Variants in FAM171A1 observed in about 807,000 individuals in gnomAD.
The protein encoded by FAM171A1 is protein FAM171A1.
Under a neutral mutation model 74.9 loss-of-function variants are expected in FAM171A1, and 23 were observed. That is an observed-to-expected ratio of 0.31 (90% confidence interval 0.22 to 0.44). The LOEUF (loss-of-function observed/expected upper bound fraction) is 0.44. Among genes scored for constraint, FAM171A1 ranks in the 20% least tolerant of loss-of-function variants. The pLI, the probability that FAM171A1 is intolerant of heterozygous loss-of-function variation, is 1.00. For missense variants in FAM171A1, 1,162 were observed against 1,159.2 expected (o/e 1.00, Z -0.03); for synonymous variants, 527 against 505.7 (o/e 1.04, Z -0.57).
intron 1 of FAM171A1, among the ~76,000 whole-genome samples, chr10:15,359,452 C>T (rs1468884827): frequency 1.3e-5 from 2 of 152,108 alleles, no homozygotes; most frequent in Non-Finnish European, 2.9e-5. Context: ...AGTCTTTTTC[C>T]TCCTTCTCAA....
At chr10:15,322,740 T>C (rs73589281) in intron 1 of FAM171A1, among the ~76,000 whole-genome samples, 1,960 of 152,332 alleles carry the variant, frequency 0.013, 42 homozygotes, top group African/African-American at 0.044. Context: ...GTCTGGTCCT[T>C]AGCCCTGATG....
chr10:15,330,995 T>A (rs1835623820), intron 1 of FAM171A1, among the ~76,000 whole-genome samples: 1 of 152,068 alleles, frequency 6.6e-6, no homozygotes, highest in Admixed American at 6.6e-5. Context: ...GTTCAAGCAA[T>A]TCTCCTGCCT....
chr10:15,255,761 C>A (rs1030692566), intron 3 of FAM171A1, among the ~76,000 whole-genome samples: 3 of 151,874 alleles, frequency 2.0e-5, no homozygotes, highest in Non-Finnish European at 4.4e-5. Context: ...GATTCCCCTG[C>A]CTCAGTCTCC....
Position 15,224,697 on chromosome 10 carries a change from G to C in FAM171A1, c.755-3637C>G, listed in dbSNP as rs112794594. On this transcript the variant is annotated intron_variant, in intron 5 of 7. Coordinates refer to ENST00000378116, the MANE Select transcript of FAM171A1 (RefSeq NM_001010924.2). ...AGTTTTCTCTCTTGCCTGCCACCAT[G>C]TAAGATGTGCCTTTTGCCTTCTGCC... is the stretch of plus-strand genomic sequence containing the variant. Among the ~76,000 whole-genome samples, 282 of 152,314 alleles carry C rather than the reference G, an allele frequency of 1.9e-3. 2 individuals are homozygous for C. Among genetic ancestry groups the C allele is most frequent in the Middle Eastern group, 3.4e-3 (1 of 294 alleles).
In FAM171A1 at chr10:15,272,484, G is replaced by C. The variant is rs529625136; in HGVS notation, c.418+3371C>G. ...CACTGTCAACATTAGACAGATCAAC[G>C]AGACAGAAAGTTAAAAAGGATATCC... On this transcript the variant is annotated intron_variant, in intron 3 of 7. Coordinates refer to ENST00000378116, the MANE Select transcript of FAM171A1 (RefSeq NM_001010924.2). Among the ~76,000 whole-genome samples, 78 of 152,190 alleles carry C rather than the reference G, an allele frequency of 5.1e-4. 1 individual carries two copies. The South Asian group carries it at 0.016, about 31-fold the overall frequency.
rs1833912071 is a variant in FAM171A1, at chr10:15,213,040, G to T, written c.2548C>A (p.Pro850Thr). 6.2e-7 allele frequency: 1 copy of T among 1,613,724 alleles called. No individual in the cohort carries two copies. Among genetic ancestry groups the T allele is most frequent in the Non-Finnish European group, 8.5e-7 (1 of 1,179,996 alleles). ...TCGTGGGCAGATCTTCTCTGGTGGG[G>T]GCTGGCTGCTGGCTCCGAGGGGGCA... ...ADAPSEPAASPHQRRSAHEEE... is the reference protein window; with the variant it reads ...ADAPSEPAASTHQRRSAHEEE... The change falls in exon 8 of 8, where the codon CCC (proline) becomes ACC (threonine). Residue 850 changes from proline (P) to threonine (T), a missense_variant. By Grantham distance (38) the Pro-to-Thr change is conservative. Transcript: ENST00000378116. This position sits in a 1 kb window ranked among gnomAD's most constrained non-coding sequence, Gnocchi z 6.8.
chr10:15,213,673 A>C lies in FAM171A1; in HGVS notation c.1915T>G (p.Ser639Ala). The C allele has an allele frequency of 6.2e-7, 1 of 1,613,530 alleles. No homozygotes were observed. The highest frequency in any genetic ancestry group is 1.1e-5 in the South Asian group (1 of 91,002). ...TGCTGCTGAGAGATGGCCTGGGAAG[A>C]CAGGGGCTGGGGCTGGATCTGTGAG... ...PSSQIQPQPL[S>A]SQAISQQHLQ... The change falls in exon 8 of 8, where the codon TCT (serine) becomes GCT (alanine). Residue 639 changes from serine to alanine, a missense_variant. Transcript: ENST00000378116. This position sits in a 1 kb window ranked among gnomAD's most constrained non-coding sequence, Gnocchi z 6.8.
intron 3 of FAM171A1, among the ~76,000 whole-genome samples, chr10:15,264,355 A>C (rs944433195): frequency 6.6e-6 from 1 of 152,136 alleles, no homozygotes; most frequent in Non-Finnish European, 1.5e-5. Context: ...AAACGCAACA[A>C]AACTGGCCGG....
chr10:15,367,177 C>T (rs1322771018), intron 1 of FAM171A1, among the ~76,000 whole-genome samples: 7 of 151,650 alleles, frequency 4.6e-5, no homozygotes, highest in Non-Finnish European at 7.4e-5. Flanking sequence ...CCAGCCTGGG[C>T]GACAGAGCGA....
chr10:15,351,142 C>CAAGG (rs1835871951), intron 1 of FAM171A1, among the ~76,000 whole-genome samples: 1 of 152,198 alleles, frequency 6.6e-6, no homozygotes, highest in African/African-American at 2.4e-5. Flanking sequence ...CCCTGAAAAG[C>CAAGG]AAGGACTGAG....
chr10:15,278,229 T>G (rs77705865), intron 2 of FAM171A1, among the ~76,000 whole-genome samples: 3,605 of 152,306 alleles, frequency 0.024, 56 homozygotes, highest in Non-Finnish European at 0.036. Flanking sequence ...CTTCAAGAGT[T>G]ATGCATTGCA....
At position 15,357,426 on chromosome 10, in the gene FAM171A1, A is replaced by T. The variant is rs552948961; in HGVS notation, c.97+13530T>A. ...TAAAAAAGACAGAAAACTAATCTGT[A>T]GTAGAAAATAATCAGAACAGTGGTT... On this transcript the variant is annotated intron_variant, in intron 1 of 7. Coordinates refer to ENST00000378116, the MANE Select transcript of FAM171A1 (RefSeq NM_001010924.2). Among the ~76,000 whole-genome samples, 3 of 152,362 alleles carry T rather than the reference A, an allele frequency of 2.0e-5. No homozygotes were observed. In the East Asian group the frequency reaches 5.8e-4, roughly 29 times the overall value.
chr10:15,224,115 CTGGGGTGGG>C (rs974650232), intron 5 of FAM171A1, among the ~76,000 whole-genome samples: 1 of 152,072 alleles, frequency 6.6e-6, no homozygotes, highest in African/African-American at 2.4e-5. Flanking sequence ...AAACACCCAC[CTGGGGTGGG>C]TGTAGAAGGA....
At position 15,214,108 on chromosome 10, in the gene FAM171A1, A is replaced by G; in HGVS notation, c.1480T>C (p.Ser494Pro). ...DYRGSYNTVLSQPLFEKQDRE... is the reference protein window; with the variant it reads ...DYRGSYNTVLPQPLFEKQDRE... ...TCCTGCTTTTCAAATAAAGGCTGTG[A>G]GAGCACGGTGTTGTAACTACCCCTG... Residue 494 changes from serine (S) to proline (P), a missense_variant, in exon 8 of 8, where the codon TCA becomes CCA. Coordinates refer to ENST00000378116, the MANE Select transcript of FAM171A1 (RefSeq NM_001010924.2). The G allele has an allele frequency of 1.2e-6, 2 of 1,614,182 alleles. No homozygotes were observed. Among genetic ancestry groups the G allele is most frequent in the Non-Finnish European group, 1.7e-6 (2 of 1,180,028 alleles).
At chr10:15,355,908 T>C (rs1222329302) in intron 1 of FAM171A1, among the ~76,000 whole-genome samples, 1 of 152,046 alleles carries the variant, frequency 6.6e-6, no homozygotes, top group African/African-American at 2.4e-5. Flanking sequence ...CATGCATCCA[T>C]ATATAAATAC....
At chr10:15,304,389 T>G (rs550556794) in intron 1 of FAM171A1, among the ~76,000 whole-genome samples, 1 of 152,106 alleles carries the variant, frequency 6.6e-6, no homozygotes, top group South Asian at 2.1e-4. Flanking sequence ...CAGAGCCCAC[T>G]CCCCAGCCAC....
chr10:15,326,372 T>C (rs746673138), intron 1 of FAM171A1, among the ~76,000 whole-genome samples: 13 of 152,106 alleles, frequency 8.5e-5, no homozygotes, highest in Non-Finnish European at 1.6e-4. Context: ...TGGAGTGCAG[T>C]GGCATGCTCC....
chr10:15,263,134 A>C (rs2131779424), intron 3 of FAM171A1, among the ~76,000 whole-genome samples: 1 of 152,300 alleles, frequency 6.6e-6, no homozygotes, highest in East Asian at 1.9e-4. Context: ...CGGCCCGATG[A>C]CAGTGCCCAT....
rs538675276 is a variant in FAM171A1, at chr10:15,246,323, T to C, written c.754+2316A>G. Among the ~76,000 whole-genome samples, 14 of 152,276 alleles carry C rather than the reference T, an allele frequency of 9.2e-5. No individual in the cohort carries two copies. In the East Asian group the frequency reaches 2.1e-3, roughly 23 times the overall value. ...ATAATTACAGTGTCTCTATTAATTA[T>C]TTGGAAAGTAAAAATAAGACAAAAC... is the stretch of plus-strand genomic sequence containing the variant. On this transcript the variant is annotated intron_variant, in intron 5 of 7. Transcript: ENST00000378116.
Sources: allele counts gnomAD v4.1 joint callset (sites outside exome capture counted in the v4.1 genomes callset), GRCh38; gene constraint gnomAD v4.1.1; non-coding constraint Gnocchi (gnomAD v3.1); transcripts MANE v1.5; gene names NCBI Gene and HGNC (gene_info 2026-07-23, HGNC 2026-07-21).